Variants in EVA1C observed in about 807,000 individuals in gnomAD.
EVA1C encodes eva-1 homolog C, also known as protein eva-1 homolog C.
EVA1C carries 25 observed loss-of-function variants against 45.4 expected under a neutral mutation model. That is an observed-to-expected ratio of 0.55 (90% CI 0.40 to 0.77). The LOEUF is 0.77. EVA1C is among the 30% of genes least tolerant of loss of function. EVA1C has a pLI of 0.00. For missense variants in EVA1C, 479 were observed against 554.8 expected, an observed-to-expected ratio of 0.86 and a Z score of 1.37; for synonymous variants, 190 against 221.2, an observed-to-expected ratio of 0.86 and a Z score of 1.25.
At chr21:32,475,887 CTATCTATCTA>C (rs1431180294) in intron 4 of EVA1C, among the ~76,000 whole-genome samples, 4 of 52,322 alleles carry the variant, frequency 7.6e-5, no homozygotes, top group Non-Finnish European at 1.4e-4. Context: ...CTTTATCTAT[CTATCTATCTA>C]TCTATCTATC....
At chr21:32,429,173 T>C (rs1015924203) in intron 1 of EVA1C, among the ~76,000 whole-genome samples, 8 of 151,068 alleles carry the variant, frequency 5.3e-5, no homozygotes, top group African/African-American at 2.0e-4. Context: ...CCCAAGTAGC[T>C]GGGATTTCAG....
chr21:32,451,037 C>G (rs2035560332), intron 1 of EVA1C, among the ~76,000 whole-genome samples: 4 of 152,160 alleles, frequency 2.6e-5, no homozygotes, highest in Admixed American at 1.3e-4. Context: ...ATGTCTGTAG[C>G]CTTCCTCTAG....
At chr21:32,495,645 G>A (rs556911939) in intron 5 of EVA1C, among the ~76,000 whole-genome samples, 25 of 152,166 alleles carry the variant, frequency 1.6e-4, no homozygotes, top group Non-Finnish European at 3.1e-4. Context: ...TGAGTCAACA[G>A]ATCAAATGCT....
intron 5 of EVA1C, among the ~76,000 whole-genome samples, chr21:32,496,608 T>G (rs1482749703): frequency 6.6e-6 from 1 of 152,158 alleles, no homozygotes; most frequent in Non-Finnish European, 1.5e-5. Context: ...TCACTTTGAG[T>G]ACATCCTTGG....
chr21:32,467,156 A>G (rs1012844370), intron 3 of EVA1C, among the ~76,000 whole-genome samples: 8 of 152,128 alleles, frequency 5.3e-5, no homozygotes, highest in Non-Finnish European at 1.0e-4. Context: ...CTGTCTCTAA[A>G]GAACTAAACT....
intron 3 of EVA1C, among the ~76,000 whole-genome samples, chr21:32,461,155 G>A (rs1439806336): frequency 3.3e-5 from 5 of 152,218 alleles, no homozygotes; most frequent in South Asian, 4.1e-4. Flanking sequence ...TGCTCCATAC[G>A]GAAGCCTGTG....
At chr21:32,421,338 T>C (rs2034264029) in intron 1 of EVA1C, among the ~76,000 whole-genome samples, 2 of 130,122 alleles carry the variant, frequency 1.5e-5, no homozygotes, top group African/African-American at 4.4e-5. Flanking sequence ...TAAAGACCTC[T>C]ATATAAAGCC....
intron 1 of EVA1C, among the ~76,000 whole-genome samples, chr21:32,441,680 T>A (rs963376845): frequency 1.3e-5 from 2 of 151,952 alleles, no homozygotes; most frequent in Non-Finnish European, 2.9e-5. Flanking sequence ...GACAACTACA[T>A]AGGAAAATCC....
intron 4 of EVA1C, among the ~76,000 whole-genome samples, chr21:32,493,960 C>T (rs575871842): frequency 2.7e-4 from 41 of 152,142 alleles, no homozygotes; most frequent in South Asian, 1.2e-3. Context: ...CCACCACACC[C>T]GGCTAATTTT....
intron 1 of EVA1C, among the ~76,000 whole-genome samples, chr21:32,438,480 C>CT (rs368001912): frequency 0.027 from 2,677 of 98,718 alleles, 99 homozygotes; most frequent in African/African-American, 0.1. Flanking sequence ...GAGTGAGACT[C>CT]TGTCTCAAAA....
At position 32,514,801 on chromosome 21, in the gene EVA1C, C is replaced by T. The variant is rs773251012; in HGVS notation, c.950-13C>T. ...CTCCTCCCAGCTCCTGACATGTTCT[C>T]TTCCTCCTGCAGCCCACCCGGAGAG... On this transcript the variant is annotated splice_polypyrimidine_tract_variant and intron_variant, in intron 7 of 7. Transcript: ENST00000300255. The T allele has an allele frequency of 1.3e-6, 2 of 1,531,038 alleles. No homozygotes were observed. The highest frequency in any genetic ancestry group is 8.8e-7 in the Non-Finnish European group (1 of 1,138,524). 94.8% of individuals were successfully genotyped at this position (1,531,038 alleles called of 1,614,324 possible).
intron 7 of EVA1C, among the ~76,000 whole-genome samples, chr21:32,506,915 G>C (rs1055291862): frequency 9.9e-5 from 15 of 152,208 alleles, no homozygotes; most frequent in Admixed American, 3.9e-4. Context: ...CAAAGCAGGA[G>C]CAGCTGGGAG....
At chr21:32,441,161 G>T (rs2146204907) in intron 1 of EVA1C, among the ~76,000 whole-genome samples, 1 of 152,262 alleles carries the variant, frequency 6.6e-6, no homozygotes, top group Non-Finnish European at 1.5e-5. Context: ...ACAAACTCTT[G>T]CTAGCTGCTG....
chr21:32,456,767 A>G (rs1292672580), intron 2 of EVA1C, among the ~76,000 whole-genome samples: 1 of 152,194 alleles, frequency 6.6e-6, no homozygotes, highest in Non-Finnish European at 1.5e-5. Context: ...GTTTATCACA[A>G]GCAGGACTTG....
chr21:32,449,043 A>G (rs1325466299), intron 1 of EVA1C, among the ~76,000 whole-genome samples: 1 of 151,840 alleles, frequency 6.6e-6, no homozygotes, highest in African/African-American at 2.4e-5. Flanking sequence ...AAGGAAGGAA[A>G]AGGAAAGAAA....
At chr21:32,503,316 C>T (rs1269839358) in intron 6 of EVA1C, among the ~76,000 whole-genome samples, 1 of 152,158 alleles carries the variant, frequency 6.6e-6, no homozygotes, top group Non-Finnish European at 1.5e-5. Flanking sequence ...GAGGCCGAGG[C>T]GGGCAGATCA....
Position 32,436,060 on chromosome 21 carries a change from G to C in EVA1C, c.161-17252G>C, listed in dbSNP as rs538840285. 2.0e-5 allele frequency among the ~76,000 whole-genome samples: 3 copies of C among 152,214 alleles called. No homozygotes were observed. The South Asian group carries it at 6.2e-4, about 32-fold the overall frequency. The stretch of plus-strand genomic sequence containing the variant: ...TCAGCTGTTTTTTGTTTGTTTGTTT[G>C]TTTGTTTTTGTTTTTTCGCCTGAGA... On this transcript the variant is annotated intron_variant, in intron 1 of 7. Transcript: ENST00000300255.
intron 1 of EVA1C, among the ~76,000 whole-genome samples, chr21:32,425,422 G>A (rs183863980): frequency 6.6e-5 from 10 of 151,648 alleles, no homozygotes; most frequent in Admixed American, 3.3e-4. Context: ...AGCCTTGAGC[G>A]ATTCTCCTGT....
chr21:32,479,292 G>T (rs1023571675), intron 4 of EVA1C, among the ~76,000 whole-genome samples: 2 of 151,890 alleles, frequency 1.3e-5, no homozygotes, highest in African/African-American at 4.8e-5. Context: ...GCATGGTGGC[G>T]CATGTCTGTA....
Sources: allele counts gnomAD v4.1 joint callset (sites outside exome capture counted in the v4.1 genomes callset), GRCh38; gene constraint gnomAD v4.1.1; transcripts MANE v1.5; gene names NCBI Gene and HGNC (gene_info 2026-07-23, HGNC 2026-07-21).